The following ROBO1 variants were observed in gnomAD, a reference collection of about 807,000 sequenced individuals.
ROBO1 encodes roundabout homolog 1.
ROBO1 carries 149 observed loss-of-function variants against 195.9 expected under a neutral mutation model. The observed-to-expected ratio is 0.76, with a 90% CI of 0.67 to 0.87. The LOEUF is 0.87. ROBO1 is among the 40% of genes least tolerant of loss of function. The pLI, the probability that ROBO1 is intolerant of heterozygous loss-of-function variation, is 0.00. For synonymous variants in ROBO1, 816 were observed against 733.2 expected (o/e 1.11, Z -1.82); for missense variants, 1,933 against 2,068.3 (o/e 0.93, Z 1.27).
intron 1 of ROBO1, among the ~76,000 whole-genome samples, chr3:79,766,562 C>T (rs1406390277): frequency 6.6e-6 from 1 of 151,966 alleles, no homozygotes; most frequent in Non-Finnish European, 1.5e-5. Context: ...GAAGCCGTCT[C>T]TGCAGCGCCG....
Position 79,608,855 on chromosome 3 carries a change from T to A in ROBO1, c.-50-18894A>T, listed in dbSNP as rs1191759786. On this transcript the variant is annotated intron_variant, in intron 1 of 30. Coordinates refer to ENST00000464233, the MANE Select transcript of ROBO1 (RefSeq NM_002941.4). ...CGTGTCCTCTCAAAAATACACATGT[T>A]GAAATTCCAACCTCCAATGTAATGG... 2.0e-5 allele frequency among the ~76,000 whole-genome samples: 3 copies of A among 152,062 alleles called. No individual in the cohort carries two copies. In the South Asian group the frequency reaches 6.2e-4, roughly 31 times the overall value.
intron 2 of ROBO1, among the ~76,000 whole-genome samples, chr3:79,432,801 AG>A (rs1204477018): frequency 1.3e-5 from 2 of 152,268 alleles, no homozygotes; most frequent in African/African-American, 4.8e-5. Flanking sequence ...TTTTTAGTCA[AG>A]GGTCACTAAT....
At chr3:78,911,919 G>A (rs943637718) in intron 4 of ROBO1, among the ~76,000 whole-genome samples, 10 of 152,166 alleles carry the variant, frequency 6.6e-5, no homozygotes, top group African/African-American at 2.4e-4. Flanking sequence ...CATGTCCAGT[G>A]AGTCTTTCTT....
intron 2 of ROBO1, among the ~76,000 whole-genome samples, chr3:79,369,067 A>C (rs1287750934): frequency 2.0e-5 from 3 of 152,218 alleles, no homozygotes; most frequent in Non-Finnish European, 4.4e-5. Context: ...CATTCACAAA[A>C]GTCAGCTTCT....
chr3:78,633,511 T>A (rs1705305951), intron 24 of ROBO1, among the ~76,000 whole-genome samples: 1 of 152,196 alleles, frequency 6.6e-6, no homozygotes, highest in Non-Finnish European at 1.5e-5. Flanking sequence ...CTCATGTTAT[T>A]GTCTCTCCGG....
At chr3:79,360,372 G>A (rs2101530) in intron 2 of ROBO1, among the ~76,000 whole-genome samples, 94,534 of 151,730 alleles carry the variant, frequency 0.62, 31,401 homozygotes, top group African/African-American at 0.87. Flanking sequence ...TAAATTTTCT[G>A]TTGACATTAG....
intron 2 of ROBO1, among the ~76,000 whole-genome samples, chr3:79,194,867 A>G (rs1469654232): frequency 6.6e-6 from 1 of 151,578 alleles, no homozygotes; most frequent in Non-Finnish European, 1.5e-5. Flanking sequence ...GATATGGACA[A>G]ATGTTCTGCC....
intron 2 of ROBO1, among the ~76,000 whole-genome samples, chr3:79,557,116 C>T (rs2107694082): frequency 6.6e-6 from 1 of 150,856 alleles, no homozygotes; most frequent in South Asian, 2.1e-4. Flanking sequence ...AAAGAAGTTC[C>T]TAGAGTTGAG....
At chr3:78,638,290 GGTGTATATACATACATATATGT>G (rs1387853607) in intron 22 of ROBO1, among the ~76,000 whole-genome samples, 2 of 139,242 alleles carry the variant, frequency 1.4e-5, no homozygotes, top group Non-Finnish European at 3.2e-5. Flanking sequence ...CTTACATATA[GGTGTATATACATACATATATGT>G]GTGTATATAT....
intron 2 of ROBO1, among the ~76,000 whole-genome samples, chr3:79,220,702 A>G (rs2082122543): frequency 6.6e-6 from 1 of 151,962 alleles, no homozygotes; most frequent in African/African-American, 2.4e-5. Flanking sequence ...GAAAAAGAGA[A>G]AGAATCCCTT....
chr3:78,937,948 T>C (rs1203448081), intron 4 of ROBO1: 1 of 152,060 alleles, frequency 6.6e-6, no homozygotes, highest in African/African-American at 2.4e-5. Context: ...ATCTTATTTA[T>C]AGACAAATTC....
intron 3 of ROBO1, among the ~76,000 whole-genome samples, chr3:79,045,815 T>G (rs1456128707): frequency 6.6e-6 from 1 of 152,156 alleles, no homozygotes; most frequent in Non-Finnish European, 1.5e-5. Context: ...TTAGTCAATA[T>G]GGCAGGAACA....
intron 1 of ROBO1, among the ~76,000 whole-genome samples, chr3:79,640,815 A>G (rs1407655648): frequency 6.6e-6 from 1 of 152,142 alleles, no homozygotes; most frequent in Non-Finnish European, 1.5e-5. Flanking sequence ...TACCTATACA[A>G]TGGATTTTCT....
chr3:79,327,714 GGT>G (rs889598627), intron 2 of ROBO1, among the ~76,000 whole-genome samples: 2 of 151,156 alleles, frequency 1.3e-5, no homozygotes, highest in African/African-American at 4.8e-5. Context: ...ACAGTAAAAT[GGT>G]AATGAAGGAA....
intron 4 of ROBO1, among the ~76,000 whole-genome samples, chr3:78,794,782 A>G (rs969280274): frequency 6.6e-6 from 1 of 152,072 alleles, no homozygotes; most frequent in Admixed American, 6.5e-5. Context: ...GAGTTTTGCC[A>G]TATTGCCCAG....
intron 3 of ROBO1, among the ~76,000 whole-genome samples, chr3:78,963,675 G>A (rs1036710441): frequency 1.7e-4 from 26 of 151,528 alleles, no homozygotes; most frequent in African/African-American, 5.6e-4. Flanking sequence ...CCGCCACCAC[G>A]CCTGGCTAAT....
chr3:78,676,387 A>G (rs1011766023), intron 10 of ROBO1, among the ~76,000 whole-genome samples: 5 of 152,126 alleles, frequency 3.3e-5, no homozygotes, highest in African/African-American at 1.2e-4. Context: ...CGAGCTACAC[A>G]AGGAAATTCA....
intron 2 of ROBO1, among the ~76,000 whole-genome samples, chr3:79,364,802 G>C (rs963910253): frequency 5.9e-5 from 9 of 152,106 alleles, no homozygotes; most frequent in African/African-American, 2.4e-5. Context: ...CTTAACTTTA[G>C]TTTAACATGT....
chr3:79,332,983 C>T (rs1006303105), intron 2 of ROBO1, among the ~76,000 whole-genome samples: 1 of 152,098 alleles, frequency 6.6e-6, no homozygotes, highest in Non-Finnish European at 1.5e-5. Flanking sequence ...GAGTGGATCA[C>T]CTGATGTCAG....
Sources: gnomAD v4.1 joint callset for allele counts (sites outside exome capture counted in the v4.1 genomes callset) on GRCh38, gnomAD v4.1.1 for gene constraint, MANE v1.5 for transcripts, NCBI Gene and HGNC (gene_info 2026-07-23, HGNC 2026-07-21) for gene names.